Variants in AGBL2 observed in about 807,000 individuals in gnomAD.
The protein encoded by AGBL2 is cytosolic carboxypeptidase 2.
AGBL2 carries 87 observed loss-of-function variants against 103.0 expected under a neutral mutation model. That is an observed-to-expected ratio of 0.84 (90% confidence interval 0.71 to 1.01). The LOEUF is 1.01. Ranked by LOEUF, AGBL2 falls within the 50% of genes least tolerant of loss-of-function variation. AGBL2 has a pLI of 0.00. For synonymous variants in AGBL2, 335 were observed against 356.7 expected, an observed-to-expected ratio of 0.94 and a Z score of 0.69; for missense variants, 904 against 1,023.5, an observed-to-expected ratio of 0.88 and a Z score of 1.59.
At chr11:47,675,196 AGT>A (rs2097370327) in intron 14 of AGBL2, among the ~76,000 whole-genome samples, 1 of 112,656 alleles carries the variant, frequency 8.9e-6, no homozygotes, top group Non-Finnish European at 1.8e-5. Context: ...AGATCCCACC[AGT>A]CTTTTTTTTT....
chr11:47,673,499 C>T (rs1196722604), intron 14 of AGBL2, among the ~76,000 whole-genome samples: 2 of 152,040 alleles, frequency 1.3e-5, no homozygotes, highest in African/African-American at 2.4e-5. Context: ...GTGGCACATG[C>T]CTGTAATCCC....
In AGBL2 at chr11:47,705,914, G is replaced by T; in HGVS notation, c.236C>A (p.Pro79His). 6.2e-7 allele frequency: 1 copy of T among 1,613,986 alleles called. No individual in the cohort carries two copies. Among genetic ancestry groups the T allele is most frequent in the Non-Finnish European group, 8.5e-7 (1 of 1,179,944 alleles). Residue 79 changes from proline to histidine, a missense_variant, in exon 5 of 19, where the codon CCT (proline) becomes CAT (histidine). Transcript: ENST00000525123. ...GTGCACAGCTGAAGATAAACTGATA[G>T]GCCCTAGAAAGAGGAAGAGGAGGCA... ...DTLQKEKLLW[P>H]ISLSSAVHRQ...
At chr11:47,668,110 G>A (rs547176358) in intron 15 of AGBL2, among the ~76,000 whole-genome samples, 2 of 151,264 alleles carry the variant, frequency 1.3e-5, no homozygotes, top group East Asian at 3.9e-4. Context: ...TCAGGAGGCT[G>A]AGGCAGGAGA....
intron 3 of AGBL2, among the ~76,000 whole-genome samples, chr11:47,712,057 A>G (rs1357284188): frequency 6.6e-6 from 1 of 152,206 alleles, no homozygotes; most frequent in Non-Finnish European, 1.5e-5. Flanking sequence ...AAGGCAAAAA[A>G]CAGACCGTCT....
At chr11:47,684,979 G>GGC (rs2097418225) in intron 11 of AGBL2, among the ~76,000 whole-genome samples, 1 of 152,172 alleles carries the variant, frequency 6.6e-6, no homozygotes, top group Non-Finnish European at 1.5e-5. Flanking sequence ...GGCCGGGGCA[G>GGC]GCGGATCACT....
chr11:47,710,606 C>T, intron 3 of AGBL2, 95 bp from the exon 4 acceptor site: 3 of 1,411,996 alleles, frequency 2.1e-6, no homozygotes, highest in East Asian at 2.3e-5. Flanking sequence ...TTTATCACCA[C>T]CCACCACCAC....
rs114789409 is a variant in AGBL2 at position 47,706,006 on chromosome 11, A to G, written c.233-89T>C. The G allele has an allele frequency of 5.2e-4, 551 of 1,058,310 alleles. 3 individuals carry two copies. In the African/African-American group the frequency reaches 7.8e-3, roughly 15 times the overall value. The allele number at this position is 1,058,310 out of a possible 1,614,324, so 65.6% of individuals were successfully genotyped here. On this transcript the variant is annotated intron_variant, in intron 4 of 18. Coordinates refer to ENST00000525123, the MANE Select transcript of AGBL2 (RefSeq NM_024783.4). ...CTATCCCCATCCCTTCTCATTTCCT[A>G]TGCTCACTCTGGACCCCTGCATTTC...
At position 47,666,907 on chromosome 11, in the gene AGBL2, G is replaced by A. The variant is rs7939069; in HGVS notation, c.2448+49C>T. 29,734 of 1,196,412 alleles carry A rather than the reference G, an allele frequency of 0.025. 2,337 individuals carry two copies. The African/African-American group carries it at 0.25, about 10-fold the overall frequency. 74.1% of individuals were successfully genotyped at this position (1,196,412 alleles called of 1,614,324 possible). ...CATTGTGGGAGAGAGGTGCTAATTC[G>A]AGAGGTTAGAGAATCTGTGTGACAA... On this transcript the variant is annotated intron_variant, in intron 17 of 18. Transcript: ENST00000525123.
intron 17 of AGBL2, 136 bp downstream of exon 17, chr11:47,666,820 G>A (rs1264665014): frequency 1.4e-6 from 1 of 705,418 alleles, no homozygotes; most frequent in Non-Finnish European, 2.6e-6. Flanking sequence ...CAGTTTTAAT[G>A]TTTTCTTGCT....
chr11:47,677,183 T>G, intron 14 of AGBL2, 88 bp downstream of exon 14: 2 of 1,159,084 alleles, frequency 1.7e-6, no homozygotes, highest in Non-Finnish European at 2.3e-6. Context: ...AATTTTTGTA[T>G]TTTTTGTAGA....
intron 11 of AGBL2, among the ~76,000 whole-genome samples, chr11:47,682,594 A>G (rs1235505607): frequency 1.3e-5 from 2 of 152,120 alleles, no homozygotes; most frequent in Admixed American, 6.6e-5. Flanking sequence ...TCTTCTGTCT[A>G]TGATGTGTAT....
chr11:47,663,104 T>A lies in AGBL2; in HGVS notation c.2457A>T (p.Leu819Phe). 1 of 1,586,460 alleles carries A rather than the reference T, an allele frequency of 6.3e-7. No individual in the cohort carries two copies. Among genetic ancestry groups the A allele is most frequent in the Non-Finnish European group, 8.5e-7 (1 of 1,172,120 alleles). The change falls in exon 18 of 19, where the codon TTA (leucine) becomes TTT (phenylalanine). Residue 819 changes from leucine to phenylalanine, a missense_variant. Physicochemically the swap from Leu to Phe is conservative, Grantham distance 22. Coordinates refer to ENST00000525123, the MANE Select transcript of AGBL2 (RefSeq NM_024783.4). ...GGGGGGTGTCTTTGTCTCTTCTATT[T>A]AAATTTGTCTAAAATAAATGAACAT... ...NENPRLNETN[L>F]NRRDKDTPLD...
At position 47,692,257 on chromosome 11, in the gene AGBL2, C is replaced by T. The variant is rs770962031; in HGVS notation, c.695-1G>A. The T allele has an allele frequency of 6.2e-6, 10 of 1,613,238 alleles. No individual in the cohort carries two copies. The highest frequency in any genetic ancestry group is 1.7e-5 in the Admixed American group (1 of 59,964). ...GTAAAATAGGAACCTTCTATAGGCA[C>T]TGCAGAGAAAAGATATATTTAGGCT... On this transcript the variant is annotated splice_acceptor_variant, in intron 8 of 18. Transcript: ENST00000525123. LOFTEE classifies it high-confidence loss of function.
chr11:47,673,926 C>T (rs1057385016), intron 14 of AGBL2, among the ~76,000 whole-genome samples: 4 of 149,988 alleles, frequency 2.7e-5, no homozygotes, highest in Admixed American at 1.3e-4. Flanking sequence ...ATGGTGAAAC[C>T]GCATCTCTAC....
intron 8 of AGBL2, among the ~76,000 whole-genome samples, chr11:47,695,708 G>A (rs537290528): frequency 1.3e-5 from 2 of 151,630 alleles, no homozygotes; most frequent in South Asian, 4.2e-4. Context: ...CTATAAGGTG[G>A]AGGATACAAT....
intron 4 of AGBL2, among the ~76,000 whole-genome samples, chr11:47,709,959 G>A (rs1040551380): frequency 4.0e-5 from 6 of 151,314 alleles, no homozygotes; most frequent in East Asian, 3.9e-4. Flanking sequence ...GCCCAACCTC[G>A]GCTCATTGCA....
chr11:47,678,548 C>A (rs1363510801), intron 13 of AGBL2, among the ~76,000 whole-genome samples: 2 of 144,424 alleles, frequency 1.4e-5, no homozygotes, highest in Admixed American at 7.0e-5. Context: ...GTTGGTCAGG[C>A]TGGTCTCGAA....
chr11:47,668,093 CA>C (rs1202809343), intron 15 of AGBL2, among the ~76,000 whole-genome samples: 1 of 151,272 alleles, frequency 6.6e-6, no homozygotes, highest in Non-Finnish European at 1.5e-5. Context: ...CCTGTAATCC[CA>C]GTTACTCAGG....
Position 47,705,873 on chromosome 11 carries a change from T to C in AGBL2, c.277A>G (p.Ile93Val). ...GAAGGACATGAAATACCTCTGTTGA[T>C]GGCTTCTATCTGTCTGTGCACAGCT... The part of the protein sequence containing the change: ...SSAVHRQIEA[I>V]NRDFHSCLGW... The change falls in exon 5 of 19, where the codon ATC (isoleucine) becomes GTC (valine). Residue 93 changes from isoleucine to valine, a missense_variant. Transcript: ENST00000525123. 6.2e-7 allele frequency: 1 copy of C among 1,614,054 alleles called. No individual in the cohort carries two copies. Among genetic ancestry groups the C allele is most frequent in the Non-Finnish European group, 8.5e-7 (1 of 1,179,988 alleles).
Sources: allele counts gnomAD v4.1 joint callset (sites outside exome capture counted in the v4.1 genomes callset), GRCh38; gene constraint gnomAD v4.1.1; transcripts MANE v1.5; gene names NCBI Gene and HGNC (gene_info 2026-07-23, HGNC 2026-07-21).